Variants in SMCHD1 observed in about 807,000 individuals in gnomAD.
SMCHD1 encodes structural maintenance of chromosomes flexible hinge domain-containing protein 1.
Under a neutral mutation model 254.7 loss-of-function variants are expected in SMCHD1, and 78 were observed. That is an observed-to-expected ratio of 0.31 (90% CI 0.26 to 0.37). The LOEUF (loss-of-function observed/expected upper bound fraction) is 0.37. Among genes scored for constraint, SMCHD1 ranks in the 10% least tolerant of loss-of-function variants. SMCHD1 has a pLI of 1.00. For synonymous variants in SMCHD1, 766 were observed against 794.9 expected (o/e 0.96, Z 0.61); for missense variants, 1,840 against 2,408.1 (o/e 0.76, Z 4.94).
chr18:2,671,437 T>G (rs974508417), intron 3 of SMCHD1, among the ~76,000 whole-genome samples: 1 of 152,082 alleles, frequency 6.6e-6, no homozygotes, highest in Non-Finnish European at 1.5e-5. Context: ...CATACCATCA[T>G]TATATGGATA....
chr18:2,656,366 C>A (rs1030001964), intron 1 of SMCHD1, 105 bp downstream of exon 1: 1 of 1,081,790 alleles, frequency 9.2e-7, no homozygotes, highest in South Asian at 2.7e-5. Flanking sequence ...CACCCGGTCC[C>A]GGTCCTGCGG....
intron 12 of SMCHD1, chr18:2,701,398 T>G (rs1373258340): frequency 6.5e-6 from 1 of 152,740 alleles, no homozygotes; most frequent in Non-Finnish European, 1.5e-5. Context: ...TGACCTCAGG[T>G]GATCGACTTG....
intron 9 of SMCHD1, among the ~76,000 whole-genome samples, chr18:2,697,477 A>C (rs894031027): frequency 1.3e-5 from 2 of 152,230 alleles, no homozygotes; most frequent in Non-Finnish European, 2.9e-5. Context: ...AGCACAGAGC[A>C]TTTGAGTATT....
At chr18:2,685,502 A>G (rs592101) in intron 5 of SMCHD1, among the ~76,000 whole-genome samples, 128,737 of 152,150 alleles carry the variant, frequency 0.85, 57,928 homozygotes, top group East Asian at 1. Flanking sequence ...TAATTCCATG[A>G]CATTAATTAC....
intron 37 of SMCHD1, among the ~76,000 whole-genome samples, chr18:2,768,021 C>A (rs565483953): frequency 6.6e-6 from 1 of 152,094 alleles, no homozygotes; most frequent in African/African-American, 2.4e-5. Flanking sequence ...GTATTATAAT[C>A]TTTTGGGACC....
chr18:2,720,002 T>A (rs957943176), intron 19 of SMCHD1, among the ~76,000 whole-genome samples: 1 of 152,138 alleles, frequency 6.6e-6, no homozygotes, highest in African/African-American at 2.4e-5. Flanking sequence ...AACATTTTTT[T>A]GTAGAGACAG....
In SMCHD1 at chr18:2,662,203, AG is replaced by A. The variant is rs2073300448; in HGVS notation, c.187-3953del. Among the ~76,000 whole-genome samples the A allele has an allele frequency of 1.1e-3, 35 of 32,882 alleles. 1 individual carries two copies. Among genetic ancestry groups the A allele is most frequent in the African/African-American group, 7.9e-3 (34 of 4,318 alleles). 21.6% of individuals were successfully genotyped at this position (32,882 alleles called of 152,430 possible). A position where few individuals can be genotyped will look rare whatever the true frequency, so the allele number is the denominator to read the frequency against. ...ATAAAATAAATAAATAAATAAATAA[AG>A]AAAGAAAGAAAGAAAGAAAGAAAAA... On this transcript the variant is annotated intron_variant, in intron 1 of 47. Coordinates refer to ENST00000320876, the MANE Select transcript of SMCHD1 (RefSeq NM_015295.3).
chr18:2,718,320 A>G lies in SMCHD1; in HGVS notation c.2344A>G (p.Ile782Val). The G allele has an allele frequency of 6.2e-7, 1 of 1,609,940 alleles. No individual in the cohort carries two copies. The highest frequency in any genetic ancestry group is 8.5e-7 in the Non-Finnish European group (1 of 1,177,598). The change falls in exon 19 of 48, where the codon ATT becomes GTT. Residue 782 changes from isoleucine (I) to valine (V), a missense_variant. Transcript: ENST00000320876. The surrounding 1 kb of genome is among the most constrained non-coding windows in gnomAD (Gnocchi z 4.6). ...WPYWFKKMENIQKLGNYTLKL... is the reference protein window; with the variant it reads ...WPYWFKKMENVQKLGNYTLKL... ...TTTCTTCTTAATTTATCCAGAAAAT[A>G]TTCAGAAGTTGGGGAATTATACCTT...
intron 20 of SMCHD1, 126 bp from the exon 21 acceptor site, chr18:2,724,773 T>C (rs559880583): frequency 3.9e-4 from 171 of 444,136 alleles, no homozygotes; most frequent in African/African-American, 2.3e-3. Flanking sequence ...CTGTTTAGTT[T>C]TTTATATTTA....
intron 26 of SMCHD1, 108 bp downstream of exon 26, chr18:2,738,653 TATA>T (rs2075294960): frequency 3.2e-6 from 3 of 949,290 alleles, no homozygotes; most frequent in Admixed American, 3.7e-5. Context: ...TTCTATGAAA[TATA>T]ATAGATTGTC....
intron 1 of SMCHD1, among the ~76,000 whole-genome samples, chr18:2,656,592 A>G (rs902214051): frequency 6.6e-6 from 1 of 152,220 alleles, no homozygotes; most frequent in African/African-American, 2.4e-5. Context: ...CCTGCAGTCT[A>G]GGGAAAGCCG....
At chr18:2,745,268 C>A (rs2075431340) in intron 29 of SMCHD1, among the ~76,000 whole-genome samples, 1 of 152,164 alleles carries the variant, frequency 6.6e-6, no homozygotes, top group African/African-American at 2.4e-5. Flanking sequence ...ATTCTTCTGC[C>A]TCATTCTCGC....
chr18:2,734,671 TAAAG>T (rs1338586793), intron 25 of SMCHD1, among the ~76,000 whole-genome samples: 1 of 147,004 alleles, frequency 6.8e-6, no homozygotes, highest in Non-Finnish European at 1.5e-5. Flanking sequence ...TTTAATACAA[TAAAG>T]AACAGAGACT....
At chr18:2,660,726 C>T (rs1034653070) in intron 1 of SMCHD1, among the ~76,000 whole-genome samples, 3 of 152,026 alleles carry the variant, frequency 2.0e-5, no homozygotes, top group Admixed American at 1.3e-4. Context: ...GATCTACCCA[C>T]CTCGGCCTCC....
intron 34 of SMCHD1, among the ~76,000 whole-genome samples, chr18:2,757,638 A>G (rs1484737801): frequency 1.3e-5 from 2 of 151,756 alleles, no homozygotes; most frequent in African/African-American, 4.8e-5. Context: ...ATTAGTTGTT[A>G]TTTGTTTTTG....
At chr18:2,777,285 T>C (rs1051334836) in intron 42 of SMCHD1, among the ~76,000 whole-genome samples, 2 of 152,218 alleles carry the variant, frequency 1.3e-5, no homozygotes, top group South Asian at 4.1e-4. Flanking sequence ...TCTCCACCTA[T>C]GTTGAAGGGA....
intron 1 of SMCHD1, among the ~76,000 whole-genome samples, chr18:2,662,481 C>T (rs2073310800): frequency 1.3e-5 from 2 of 150,986 alleles, no homozygotes; most frequent in Non-Finnish European, 3.0e-5. Flanking sequence ...TCTGTCTCTA[C>T]TAAAAATGCA....
chr18:2,705,108 G>A (rs1340090213), intron 13 of SMCHD1, among the ~76,000 whole-genome samples: 1 of 152,146 alleles, frequency 6.6e-6, no homozygotes, highest in African/African-American at 2.4e-5. Context: ...AAAACAGCAA[G>A]TAGTAAGAGT....
chr18:2,775,397 A>G (rs1177689298), intron 41 of SMCHD1, among the ~76,000 whole-genome samples: 1 of 152,080 alleles, frequency 6.6e-6, no homozygotes, highest in African/African-American at 2.4e-5. Flanking sequence ...GATCCCATTT[A>G]TAGTGTTAAA....
Sources: allele counts gnomAD v4.1 joint callset (sites outside exome capture counted in the v4.1 genomes callset), GRCh38; gene constraint gnomAD v4.1.1; non-coding constraint Gnocchi (gnomAD v3.1); transcripts MANE v1.5; gene names NCBI Gene and HGNC (gene_info 2026-07-23, HGNC 2026-07-21).